PLCXD3: variants seen among roughly 807,000 people sequenced by gnomAD.
PLCXD3 encodes the protein PI-PLC X domain-containing protein 3.
In PLCXD3, 19 loss-of-function variants were observed where a neutral mutation model predicts 25.5. The observed-to-expected ratio is 0.75, with a 90% CI of 0.52 to 1.09. The LOEUF (loss-of-function observed/expected upper bound fraction) is 1.09, where lower values mean the gene tolerates loss of function less well. Ranked by LOEUF, PLCXD3 falls within the 50% of genes least tolerant of loss-of-function variation. PLCXD3 has a pLI of 0.00. For synonymous variants in PLCXD3, 174 were observed against 137.6 expected, an observed-to-expected ratio of 1.26 and a Z score of -1.85; for missense variants, 411 against 388.1, an observed-to-expected ratio of 1.06 and a Z score of -0.50.
chr5:41,508,658 A>T (rs73081539), intron 1 of PLCXD3, among the ~76,000 whole-genome samples: 1,961 of 152,328 alleles, frequency 0.013, 39 homozygotes, highest in African/African-American at 0.045. Flanking sequence ...ATAAACAAAC[A>T]TAGGCTTTTA....
At chr5:41,331,812 T>C (rs186553236) in intron 2 of PLCXD3, among the ~76,000 whole-genome samples, 2,220 of 152,222 alleles carry the variant, frequency 0.015, 66 homozygotes, top group African/African-American at 0.051. Flanking sequence ...ATCTGATCTT[T>C]GACAAACCTG....
At chr5:41,380,132 A>G (rs1035872291) in intron 2 of PLCXD3, among the ~76,000 whole-genome samples, 1 of 151,822 alleles carries the variant, frequency 6.6e-6, no homozygotes, top group Non-Finnish European at 1.5e-5. Context: ...AGCCACATCT[A>G]CCTGAATGCC....
chr5:41,430,472 C>T (rs1337410405), intron 1 of PLCXD3, among the ~76,000 whole-genome samples: 1 of 152,088 alleles, frequency 6.6e-6, no homozygotes, highest in Non-Finnish European at 1.5e-5. Context: ...CTTGAAGGAA[C>T]AAAAATTTCC....
In PLCXD3 at chr5:41,422,706, A is replaced by C. The variant is rs115297364; in HGVS notation, c.104-40172T>G. On this transcript the variant is annotated intron_variant, in intron 1 of 2. Coordinates refer to ENST00000377801, the MANE Select transcript of PLCXD3 (RefSeq NM_001005473.3). ...CAATAAAGTTTTACACATTTATCTAAAAAGTTCCTATGCTCCTTTTGTCAG... is the reference window on the plus strand; with the variant it reads ...CAATAAAGTTTTACACATTTATCTACAAAGTTCCTATGCTCCTTTTGTCAG... 5.7e-3 allele frequency among the ~76,000 whole-genome samples: 868 copies of C among 152,286 alleles called. 8 individuals carry two copies. The highest frequency in any genetic ancestry group is 0.019 in the African/African-American group (791 of 41,562).
intron 2 of PLCXD3, among the ~76,000 whole-genome samples, chr5:41,334,915 T>C (rs1026027573): frequency 6.6e-6 from 1 of 152,178 alleles, no homozygotes; most frequent in African/African-American, 2.4e-5. Context: ...AGGGACTATT[T>C]TGTCTTCTAG....
At chr5:41,505,255 T>C (rs1749030714) in intron 1 of PLCXD3, among the ~76,000 whole-genome samples, 1 of 152,034 alleles carries the variant, frequency 6.6e-6, no homozygotes, top group South Asian at 2.1e-4. Context: ...AGTTTAACTA[T>C]TTTAGAACAA....
At chr5:41,442,436 G>T (rs1303228404) in intron 1 of PLCXD3, among the ~76,000 whole-genome samples, 1 of 152,146 alleles carries the variant, frequency 6.6e-6, no homozygotes, top group African/African-American at 2.4e-5. Flanking sequence ...TAAGACCAGA[G>T]TACTGCTAAC....
chr5:41,345,043 C>A (rs1744260858), intron 2 of PLCXD3, among the ~76,000 whole-genome samples: 1 of 152,122 alleles, frequency 6.6e-6, no homozygotes, highest in African/African-American at 2.4e-5. Flanking sequence ...GATTCTATTA[C>A]AGCATATAAT....
At chr5:41,497,116 A>G (rs1028497999) in intron 1 of PLCXD3, among the ~76,000 whole-genome samples, 1 of 151,894 alleles carries the variant, frequency 6.6e-6, no homozygotes, top group African/African-American at 2.4e-5. Context: ...AAATAAATCA[A>G]TAAACCCAAA....
At chr5:41,481,102 T>TAAAAAAAAAAAA (rs554092157) in intron 1 of PLCXD3, among the ~76,000 whole-genome samples, 1 of 72,908 alleles carries the variant, frequency 1.4e-5, no homozygotes, top group African/African-American at 5.4e-5. Context: ...ACCTAATTTG[T>TAAAAAAAAAAAA]AAAAAAAAAA....
chr5:41,339,545 C>T (rs1476336038), intron 2 of PLCXD3, among the ~76,000 whole-genome samples: 1 of 151,904 alleles, frequency 6.6e-6, no homozygotes, highest in South Asian at 2.1e-4. Context: ...TTATCAAATA[C>T]AGAAGCAGGG....
At chr5:41,498,888 AATGAAGG>A (rs1748894202) in intron 1 of PLCXD3, among the ~76,000 whole-genome samples, 1 of 151,786 alleles carries the variant, frequency 6.6e-6, no homozygotes, top group East Asian at 1.9e-4. Context: ...ATGTAAACAG[AATGAAGG>A]ATAAAAATAA....
At chr5:41,421,037 G>C (rs1426709040) in intron 1 of PLCXD3, among the ~76,000 whole-genome samples, 1 of 152,058 alleles carries the variant, frequency 6.6e-6, no homozygotes, top group African/African-American at 2.4e-5. Flanking sequence ...CTAAGGTAAA[G>C]GGAACATCAT....
chr5:41,351,462 A>G (rs2150481105), intron 2 of PLCXD3, among the ~76,000 whole-genome samples: 1 of 152,144 alleles, frequency 6.6e-6, no homozygotes, highest in Non-Finnish European at 1.5e-5. Flanking sequence ...CTCTCACCTC[A>G]CTCCCTACTG....
chr5:41,408,087 A>T (rs542252365), intron 1 of PLCXD3, among the ~76,000 whole-genome samples: 1 of 152,198 alleles, frequency 6.6e-6, no homozygotes, highest in Non-Finnish European at 1.5e-5. Flanking sequence ...AACAGCATCA[A>T]TATTCAGATT....
intron 1 of PLCXD3, among the ~76,000 whole-genome samples, chr5:41,463,247 A>C (rs966093403): frequency 8.5e-5 from 13 of 152,100 alleles, no homozygotes; most frequent in South Asian, 6.2e-4. Context: ...ATAAAAATTT[A>C]TCTCTCACAG....
At chr5:41,337,173 T>C (rs1001398917) in intron 2 of PLCXD3, among the ~76,000 whole-genome samples, 2 of 152,150 alleles carry the variant, frequency 1.3e-5, no homozygotes, top group Admixed American at 1.3e-4. Context: ...GTACCGTACA[T>C]ACCCACGTGG....
intron 1 of PLCXD3, among the ~76,000 whole-genome samples, chr5:41,389,623 C>A (rs1279140763): frequency 6.6e-6 from 1 of 152,100 alleles, no homozygotes; most frequent in African/African-American, 2.4e-5. Flanking sequence ...TCAGTCAACA[C>A]CATATCTGCT....
At chr5:41,473,576 G>A (rs1269901606) in intron 1 of PLCXD3, among the ~76,000 whole-genome samples, 2 of 151,908 alleles carry the variant, frequency 1.3e-5, no homozygotes, top group African/African-American at 2.4e-5. Context: ...CCGAGTACCT[G>A]GGACTAGCTG....
Sources: allele counts gnomAD v4.1 joint callset (sites outside exome capture counted in the v4.1 genomes callset), GRCh38; gene constraint gnomAD v4.1.1; transcripts MANE v1.5; gene names NCBI Gene and HGNC (gene_info 2026-07-23, HGNC 2026-07-21).